PLAUR: variants seen among roughly 807,000 people sequenced by gnomAD.
The protein encoded by PLAUR is plasminogen activator, urokinase receptor.
In PLAUR, 22 loss-of-function variants were observed where a neutral mutation model predicts 33.4. The observed-to-expected ratio is 0.66, with a 90% confidence interval of 0.47 to 0.94. PLAUR has a LOEUF of 0.94. Ranked by LOEUF, PLAUR falls within the 40% of genes least tolerant of loss-of-function variation. PLAUR has a pLI of 0.00. For missense variants in PLAUR, 408 were observed against 434.7 expected (o/e 0.94, Z 0.55); for synonymous variants, 148 against 167.3 (o/e 0.88, Z 0.89).
chr19:43,660,632 G>C (rs1966938509), intron 3 of PLAUR: 1 of 151,846 alleles, frequency 6.6e-6, no homozygotes, highest in Non-Finnish European at 1.5e-5. Flanking sequence ...CAACCTGGTG[G>C]TCCCCTGCTC....
At chr19:43,665,546 C>T (rs1205676645) in intron 2 of PLAUR, 87 bp from the exon 3 acceptor site, 6 of 1,358,694 alleles carry the variant, frequency 4.4e-6, no homozygotes, top group African/African-American at 4.3e-5. Context: ...CATCCACTCC[C>T]AGGGCTGATC....
chr19:43,649,213 C>T, intron 6 of PLAUR, 70 bp from the exon 7 acceptor site: 3 of 1,553,060 alleles, frequency 1.9e-6, no homozygotes, highest in Non-Finnish European at 2.6e-6. Flanking sequence ...CAGTAGGTGA[C>T]CTGCCACCTT....
intron 5 of PLAUR, among the ~76,000 whole-genome samples, chr19:43,652,782 C>G (rs1007048601): frequency 3.9e-5 from 6 of 152,104 alleles, no homozygotes; most frequent in Non-Finnish European, 7.3e-5. Context: ...TCCTGAGTAG[C>G]TGGGACTACA....
chr19:43,655,383 C>A (rs1344566445), intron 5 of PLAUR, 56 bp downstream of exon 5: 20 of 1,582,378 alleles, frequency 1.3e-5, no homozygotes, highest in Admixed American at 1.7e-5. Flanking sequence ...CAGCTGTCTG[C>A]CTGAGTGCAT....
At chr19:43,651,851 C>A in intron 6 of PLAUR, 1 of 1,028,736 alleles carries the variant, frequency 9.7e-7, no homozygotes, top group Non-Finnish European at 1.2e-6. Flanking sequence ...TTCAGCAAAT[C>A]CCCACAACCC....
intron 6 of PLAUR, among the ~76,000 whole-genome samples, chr19:43,651,083 T>C (rs113920206): frequency 6.6e-6 from 1 of 152,086 alleles, no homozygotes; most frequent in Non-Finnish European, 1.5e-5. Flanking sequence ...AATTTTATTT[T>C]ATTTTATTTT....
At chr19:43,668,192 T>C (rs1967348294) in intron 1 of PLAUR, 5 of 987,176 alleles carry the variant, frequency 5.1e-6, no homozygotes, top group South Asian at 4.5e-5. Context: ...TCTACCCGGC[T>C]CCAGAGCCTC....
intron 3 of PLAUR, 47 bp downstream of exon 3, chr19:43,665,269 G>A (rs753899242): frequency 3.1e-6 from 5 of 1,594,166 alleles, no homozygotes; most frequent in East Asian, 2.2e-5. Context: ...ATGAGGTTGA[G>A]CTGGGGATGG....
In PLAUR at chr19:43,648,831, C is replaced by T. The variant is rs193125108; in HGVS notation, c.*59G>A. 25 of 1,549,698 alleles carry T rather than the reference C, an allele frequency of 1.6e-5. No individual in the cohort carries two copies. The highest frequency in any genetic ancestry group is 2.7e-5 in the African/African-American group (2 of 73,816). ...ACAGCAAGTCTGTAGGGCTGGGAGC[C>T]GAGGGAAGGGCAAAGGGGTCCCCCG... On this transcript the variant is annotated 3_prime_UTR_variant, in exon 7 of 7. Coordinates refer to ENST00000340093, the MANE Select transcript of PLAUR (RefSeq NM_002659.4).
In PLAUR at chr19:43,661,953, A is replaced by G. The variant is rs1967016099; in HGVS notation, c.310+3363T>C. Among the ~76,000 whole-genome samples, 3 of 151,984 alleles carry G rather than the reference A, an allele frequency of 2.0e-5. No individual in the cohort carries two copies. In the South Asian group the frequency reaches 6.2e-4, roughly 32 times the overall value. Reference sequence around the variant, plus strand: ...CAGTGGCGTGATCACTGCAGCCTCCAACTCCTGGGATCAAGCAGTCCTCCT... The same window carrying G: ...CAGTGGCGTGATCACTGCAGCCTCCGACTCCTGGGATCAAGCAGTCCTCCT... On this transcript the variant is annotated intron_variant, in intron 3 of 6. Coordinates refer to ENST00000340093, the MANE Select transcript of PLAUR (RefSeq NM_002659.4).
In PLAUR at chr19:43,655,582, G is replaced by T; in HGVS notation, c.473-9C>A. The T allele has an allele frequency of 3.1e-6, 5 of 1,612,682 alleles. No individual in the cohort carries two copies. Among genetic ancestry groups the T allele is most frequent in the Non-Finnish European group, 4.2e-6 (5 of 1,179,364 alleles). On this transcript the variant is annotated splice_polypyrimidine_tract_variant and intron_variant, in intron 4 of 6. Transcript: ENST00000340093. ...GTCATCCTTTGGACGCCCTATGGGG[G>T]CCAGGGGACAGAGGTCAGATGTCAG...
In PLAUR at chr19:43,658,762, G is replaced by A. The variant is rs752442163; in HGVS notation, c.311-2122C>T. Among the ~76,000 whole-genome samples, 90 of 152,228 alleles carry A rather than the reference G, an allele frequency of 5.9e-4. 1 individual carries two copies. The highest frequency in any genetic ancestry group is 1.0e-3 in the Non-Finnish European group (69 of 68,006). On this transcript the variant is annotated intron_variant, in intron 3 of 6. Coordinates refer to ENST00000340093, the MANE Select transcript of PLAUR (RefSeq NM_002659.4). ...AGCCAAGGTTCTCAACTGGCAGGCC[G>A]CTAGCTGTAATTAGGCGAATCATTT...
Position 43,652,304 on chromosome 19 carries a change from A to C in PLAUR, c.675T>G (p.His225Gln), listed in dbSNP as rs1309231940. 1 of 1,614,110 alleles carries C rather than the reference A, an allele frequency of 6.2e-7. No individual in the cohort carries two copies. The highest frequency in any genetic ancestry group is 8.5e-7 in the Non-Finnish European group (1 of 1,179,988). ...GGAAAGTCTCTTCAGAGGAGCATCC[A>C]TGGGTGCTGTTCCCCTTGCAGCTGT... is the stretch of plus-strand genomic sequence containing the variant. Reference protein sequence around the residue: ...QCYSCKGNSTHGCSSEETFLI... With the variant: ...QCYSCKGNSTQGCSSEETFLI... The change falls in exon 6 of 7, where the codon CAT becomes CAG. Residue 225 changes from histidine to glutamine, a missense_variant. Physicochemically the swap from His to Gln is conservative, Grantham distance 24. Transcript: ENST00000340093.
chr19:43,647,975 A>G (rs888550278), downstream of PLAUR, among the ~76,000 whole-genome samples: 1 of 145,568 alleles, frequency 6.9e-6, no homozygotes, highest in Non-Finnish European at 1.5e-5. Context: ...AGGATATTTA[A>G]GAGTTTTGGA....
intron 3 of PLAUR, among the ~76,000 whole-genome samples, chr19:43,657,053 C>T (rs531456084): frequency 4.3e-4 from 66 of 151,938 alleles, no homozygotes; most frequent in Admixed American, 1.2e-3. Context: ...AAGTGATTCT[C>T]CTGCCTCAGC....
At chr19:43,669,077 G>A (rs1967407294) in intron 1 of PLAUR, among the ~76,000 whole-genome samples, 1 of 152,134 alleles carries the variant, frequency 6.6e-6, no homozygotes, top group South Asian at 2.1e-4. Context: ...GCGGTCTCGA[G>A]CGCTTTCCGG....
At chr19:43,651,314 T>A (rs1298636141) in intron 6 of PLAUR, among the ~76,000 whole-genome samples, 3 of 152,062 alleles carry the variant, frequency 2.0e-5, no homozygotes, top group African/African-American at 7.2e-5. Flanking sequence ...CGACCTCAGG[T>A]GATCTACCCA....
intron 1 of PLAUR, among the ~76,000 whole-genome samples, chr19:43,669,029 C>G (rs566055176): frequency 1.3e-5 from 2 of 152,312 alleles, no homozygotes; most frequent in South Asian, 4.1e-4. Context: ...GCTGCGCGTT[C>G]GGAGTATCCC....
At chr19:43,649,257 AAGC>A (rs1377237182) in intron 6 of PLAUR, 114 bp from the exon 7 acceptor site, 3 of 1,217,352 alleles carry the variant, frequency 2.5e-6, no homozygotes, top group African/African-American at 3.0e-5. Context: ...CACCTAGAGA[AAGC>A]AGCAGTTCTC....
Sources: allele counts gnomAD v4.1 joint callset (sites outside exome capture counted in the v4.1 genomes callset), GRCh38; gene constraint gnomAD v4.1.1; transcripts MANE v1.5; gene names NCBI Gene and HGNC (gene_info 2026-07-23, HGNC 2026-07-21).